Variants in LMO4 observed in about 807,000 individuals in gnomAD.
LMO4 encodes LIM domain only 4, also known as LIM domain transcription factor LMO4.
A neutral mutation model predicts 18.5 loss-of-function variants in LMO4; 3 were observed. The observed-to-expected ratio is 0.16, with a 90% CI of 0.07 to 0.42. The LOEUF is 0.42. Among genes scored for constraint, LMO4 ranks in the 10% least tolerant of loss-of-function variants. The pLI is 0.99. For synonymous variants in LMO4, 100 were observed against 88.1 expected, an observed-to-expected ratio of 1.14 and a Z score of -0.76; for missense variants, 121 against 219.9, an observed-to-expected ratio of 0.55 and a Z score of 2.84.
At position 87,332,121 on chromosome 1, in the gene LMO4, C is replaced by T; in HGVS notation, c.106C>T (p.Leu36Phe). 1.9e-6 allele frequency: 3 copies of T among 1,614,218 alleles called. No individual in the cohort carries two copies. The highest frequency in any genetic ancestry group is 1.7e-6 in the Non-Finnish European group (2 of 1,180,038). The change falls in exon 2 of 5, where the codon CTC becomes TTC. Residue 36 changes from leucine to phenylalanine, a missense_variant. By Grantham distance (22) the Leu-to-Phe change is conservative. Coordinates refer to ENST00000370544, the MANE Select transcript of LMO4 (RefSeq NM_006769.4). ...GGGCAAGATTGCGGACCGCTTTCTG[C>T]TCTATGCCATGGACAGCTATTGGCA... ...CGGKIADRFL[L>F]YAMDSYWHSR...
intron 2 of LMO4, among the ~76,000 whole-genome samples, chr1:87,335,235 C>A (rs1186731108): frequency 6.6e-6 from 1 of 152,224 alleles, no homozygotes; most frequent in African/African-American, 2.4e-5. Flanking sequence ...GTCTTTCCTC[C>A]ACCCCCACCT....
At chr1:87,336,850 G>A (rs1335977693) in intron 2 of LMO4, among the ~76,000 whole-genome samples, 1 of 152,150 alleles carries the variant, frequency 6.6e-6, no homozygotes, top group Admixed American at 6.5e-5. Flanking sequence ...GCCCATTATA[G>A]TCCAGTCTGA....
chr1:87,339,781 G>T (rs1650420351), intron 3 of LMO4, 149 bp downstream of exon 3: 1 of 663,534 alleles, frequency 1.5e-6, no homozygotes, highest in South Asian at 1.8e-5. Context: ...GGCAGTGATG[G>T]TTACACATCC....
chr1:87,331,897 T>C lies in LMO4; in HGVS notation c.-3-116T>C, dbSNP rs1273922656. The C allele has an allele frequency of 9.4e-6, 8 of 847,186 alleles. No individual in the cohort carries two copies. In the Admixed American group the frequency reaches 1.8e-4, roughly 19 times the overall value. The allele number at this position is 847,186 out of a possible 1,614,324, so 52.5% of individuals were successfully genotyped here. ...TTCCCGCCCTTGCCCTGCTGTTTCC[T>C]TCCAGCAGCTCCGCGGGGAGGAGGG... is the stretch of plus-strand genomic sequence containing the variant. On this transcript the variant is annotated intron_variant, in intron 1 of 4. Coordinates refer to ENST00000370544, the MANE Select transcript of LMO4 (RefSeq NM_006769.4).
At chr1:87,336,594 A>G (rs1650320574) in intron 2 of LMO4, among the ~76,000 whole-genome samples, 1 of 152,196 alleles carries the variant, frequency 6.6e-6, no homozygotes, top group Admixed American at 6.5e-5. Context: ...GGAGCAAAGC[A>G]CCTTTAAAGT....
At chr1:87,336,774 C>T (rs758758144) in intron 2 of LMO4, among the ~76,000 whole-genome samples, 1 of 152,182 alleles carries the variant, frequency 6.6e-6, no homozygotes, top group Non-Finnish European at 1.5e-5. Context: ...CAATTAAAGA[C>T]TCCCCTGGCT....
rs143369417 is a variant in LMO4 at position 87,342,038 on chromosome 1, T to G, written c.489+1836T>G. On this transcript the variant is annotated intron_variant, in intron 4 of 4. Coordinates refer to ENST00000370544, the MANE Select transcript of LMO4 (RefSeq NM_006769.4). ...ATAAAATGGTAGACCTTCTCTCCAC[T>G]CCTTCTGATGTAAAAGCTTAATTTT... 9.1e-4 allele frequency among the ~76,000 whole-genome samples: 139 copies of G among 152,322 alleles called. 1 individual carries two copies. The East Asian group carries it at 0.021, about 23-fold the overall frequency.
rs531173091 is a variant in LMO4, at chr1:87,339,459, G to C, written c.237-77G>C. ...CAAATGCATTCCAAAGGGATGCCCAGAGTCTGGGGGTGTTTTTCTTTCTTT... is the reference window on the plus strand; with the variant it reads ...CAAATGCATTCCAAAGGGATGCCCACAGTCTGGGGGTGTTTTTCTTTCTTT... On this transcript the variant is annotated intron_variant, in intron 2 of 4. Coordinates refer to ENST00000370544, the MANE Select transcript of LMO4 (RefSeq NM_006769.4). 1.1e-5 allele frequency: 11 copies of C among 976,322 alleles called. No individual in the cohort carries two copies. In the East Asian group the frequency reaches 2.7e-4, roughly 24 times the overall value. The allele number at this position is 976,322 out of a possible 1,614,324, so 60.5% of individuals were successfully genotyped here.
chr1:87,340,684 G>T (rs1175016694), intron 4 of LMO4, among the ~76,000 whole-genome samples: 1 of 152,172 alleles, frequency 6.6e-6, no homozygotes, highest in Non-Finnish European at 1.5e-5. Flanking sequence ...TTACTTTTTA[G>T]AAGAGTAATT....
rs1416986416 is a variant in LMO4, at chr1:87,343,476, G to A, written c.490-1312G>A. Among the ~76,000 whole-genome samples the A allele has an allele frequency of 2.0e-5, 3 of 152,106 alleles. 1 individual carries two copies. Among genetic ancestry groups the A allele is most frequent in the Non-Finnish European group, 4.4e-5 (3 of 67,986 alleles). On this transcript the variant is annotated intron_variant, in intron 4 of 4. Coordinates refer to ENST00000370544, the MANE Select transcript of LMO4 (RefSeq NM_006769.4). Reference sequence around the variant, plus strand: ...TTTTTTCTTTTGTAGATTGCTGCCTGTTCTGGAATTTTTTTCTTCCACTCA... The same window carrying A: ...TTTTTTCTTTTGTAGATTGCTGCCTATTCTGGAATTTTTTTCTTCCACTCA...
At position 87,346,730 on chromosome 1, in the gene LMO4, T is replaced by G. The variant is rs908347913; in HGVS notation, c.*1934T>G. The G allele has an allele frequency of 6.6e-6, 1 of 152,230 alleles. No individual in the cohort carries two copies. The highest frequency in any genetic ancestry group is 1.5e-5 in the Non-Finnish European group (1 of 68,030). 9.4% of individuals were successfully genotyped at this position (152,230 alleles called of 1,614,324 possible). ...AGGCATAGAGTTGAGGTGAATAGTTTTGTTAGAACCTTATAAAAATAAAAT... is the reference window on the plus strand; with the variant it reads ...AGGCATAGAGTTGAGGTGAATAGTTGTGTTAGAACCTTATAAAAATAAAAT... On this transcript the variant is annotated 3_prime_UTR_variant, in exon 5 of 5. Transcript: ENST00000370544.
At chr1:87,344,598 A>G (rs1334783342) in intron 4 of LMO4, among the ~76,000 whole-genome samples, 190 bp from the exon 5 acceptor site, 1 of 152,248 alleles carries the variant, frequency 6.6e-6, no homozygotes, top group Non-Finnish European at 1.5e-5. Flanking sequence ...GTAAAACTGC[A>G]GAAAATGTTA....
At position 87,332,267 on chromosome 1, in the gene LMO4, C is replaced by T; in HGVS notation, c.236+16C>T. ...ACTACATTAGGTAAGACTTTGCTGT[C>T]TTTCCTGGAGATGGGGGGAAGAGCA... On this transcript the variant is annotated intron_variant, in intron 2 of 4. Transcript: ENST00000370544. 3 of 1,592,520 alleles carry T rather than the reference C, an allele frequency of 1.9e-6. No homozygotes were observed. The highest frequency in any genetic ancestry group is 2.6e-6 in the Non-Finnish European group (3 of 1,161,300).
chr1:87,339,281 A>C (rs1383052590), intron 2 of LMO4, among the ~76,000 whole-genome samples: 1 of 151,956 alleles, frequency 6.6e-6, no homozygotes, highest in Non-Finnish European at 1.5e-5. Context: ...GTAGAACAGA[A>C]TTGTATTTGC....
At position 87,346,877 on chromosome 1, in the gene LMO4, G is replaced by A. The variant is rs1650650358; in HGVS notation, c.*2081G>A. The A allele has an allele frequency of 6.6e-6, 1 of 152,038 alleles. No individual in the cohort carries two copies. Among genetic ancestry groups the A allele is most frequent in the Non-Finnish European group, 1.5e-5 (1 of 67,998 alleles). 9.4% of individuals were successfully genotyped at this position (152,038 alleles called of 1,614,324 possible). A position where few individuals can be genotyped will look rare whatever the true frequency, so the allele number is the denominator to read the frequency against. On this transcript the variant is annotated 3_prime_UTR_variant, in exon 5 of 5. Transcript: ENST00000370544. ...CTTATATTTGTTTTTTTTCCTTTAA[G>A]GAACTTTCTGAAGGAAGTTAGACTG...
intron 2 of LMO4, among the ~76,000 whole-genome samples, chr1:87,337,615 T>A (rs987786163): frequency 4.6e-5 from 7 of 152,204 alleles, no homozygotes; most frequent in Admixed American, 2.0e-4. Flanking sequence ...TCAGCATGTA[T>A]TTGGCCACAT....
At chr1:87,339,965 C>A in intron 3 of LMO4, 82 bp from the exon 4 acceptor site, 1 of 1,419,176 alleles carries the variant, frequency 7.0e-7, no homozygotes. Context: ...CAGATACCTG[C>A]TTAATAACAG....
At chr1:87,343,332 G>C (rs1227175781) in intron 4 of LMO4, among the ~76,000 whole-genome samples, 6 of 152,164 alleles carry the variant, frequency 3.9e-5, no homozygotes, top group Non-Finnish European at 7.3e-5. Flanking sequence ...TGAAATCTCA[G>C]GCCACTAGTG....
At chr1:87,333,727 G>T (rs565737661) in intron 2 of LMO4, among the ~76,000 whole-genome samples, 1 of 152,310 alleles carries the variant, frequency 6.6e-6, no homozygotes, top group East Asian at 1.9e-4. Context: ...ATTTCACTAA[G>T]TGTTCTTTTA....
Sources: gnomAD v4.1 joint callset for allele counts (sites outside exome capture counted in the v4.1 genomes callset) on GRCh38, gnomAD v4.1.1 for gene constraint, MANE v1.5 for transcripts, NCBI Gene and HGNC (gene_info 2026-07-23, HGNC 2026-07-21) for gene names.